MOB1B: variants seen among roughly 807,000 people sequenced by gnomAD.
MOB1B encodes MOB1 Mps One Binder homolog B.
Under a neutral mutation model 24.4 loss-of-function variants are expected in MOB1B, and 19 were observed. The observed-to-expected ratio is 0.78, with a 90% CI of 0.54 to 1.14. MOB1B has a LOEUF of 1.14. Ranked by LOEUF, MOB1B falls within the 50% of genes most tolerant of loss-of-function variation. The probability of loss-of-function intolerance (pLI) is 0.00; values close to 1 mark genes in which losing one functional copy is unlikely to be tolerated. For synonymous variants in MOB1B, 76 were observed against 82.1 expected, an observed-to-expected ratio of 0.93 and a Z score of 0.40; for missense variants, 243 against 259.6, an observed-to-expected ratio of 0.94 and a Z score of 0.44.
At chr4:70,954,821 G>T (rs751805830) in intron 1 of MOB1B, among the ~76,000 whole-genome samples, 5 of 150,572 alleles carry the variant, frequency 3.3e-5, no homozygotes, top group Admixed American at 6.6e-5. Flanking sequence ...TGCGATCTGG[G>T]CATGGTGGCA....
Position 70,958,627 on chromosome 4 carries a change from C to CT in MOB1B, c.15-241dup, listed in dbSNP as rs1578388616. 7.2e-6 allele frequency: 4 copies of CT among 552,504 alleles called. No homozygotes were observed. The East Asian group carries it at 1.3e-4, about 18-fold the overall frequency. 34.2% of individuals were successfully genotyped at this position (552,504 alleles called of 1,614,324 possible). ...CAATAACTAAAACATCATGGAAGTA[C>CT]TTTTTTGTTTTTTCATTAATTTATT... is the stretch of plus-strand genomic sequence containing the variant. On this transcript the variant is annotated intron_variant, in intron 1 of 5. Coordinates refer to ENST00000309395, the MANE Select transcript of MOB1B (RefSeq NM_173468.4).
In MOB1B at chr4:70,982,330, T is replaced by C. The variant is rs1221367350; in HGVS notation, c.*273T>C. On this transcript the variant is annotated 3_prime_UTR_variant, in exon 6 of 6. Coordinates refer to ENST00000309395, the MANE Select transcript of MOB1B (RefSeq NM_173468.4). ...TACTTGAGGAGTTTTTTAATAATAT[T>C]GTGTGCTGCAAGAAAGTGCTTGTTG... 1.2e-5 allele frequency: 3 copies of C among 259,490 alleles called. No individual in the cohort carries two copies. Among genetic ancestry groups the C allele is most frequent in the Non-Finnish European group, 2.2e-5 (3 of 136,870 alleles). 16.1% of individuals were successfully genotyped at this position (259,490 alleles called of 1,614,324 possible). A position where few individuals can be genotyped will look rare whatever the true frequency, so the allele number is the denominator to read the frequency against.
chr4:70,910,221 A>G (rs1255855153), intron 1 of MOB1B, among the ~76,000 whole-genome samples: 1 of 149,200 alleles, frequency 6.7e-6, no homozygotes, highest in African/African-American at 2.5e-5. Flanking sequence ...TTGTGTTTTT[A>G]GTAGAGATGG....
In MOB1B at chr4:70,980,851, G is replaced by C. The variant is rs1353195296; in HGVS notation, c.574-1129G>C. 2.0e-5 allele frequency among the ~76,000 whole-genome samples: 3 copies of C among 152,152 alleles called. No individual in the cohort carries two copies. The South Asian group carries it at 6.2e-4, about 32-fold the overall frequency. On this transcript the variant is annotated intron_variant, in intron 5 of 5. Transcript: ENST00000309395. Reference sequence around the variant, plus strand: ...GAGTTTGCTGATGGCAGCTGTTTCTGAGGGCATGTGGACATTACCCAAAGT... The same window carrying C: ...GAGTTTGCTGATGGCAGCTGTTTCTCAGGGCATGTGGACATTACCCAAAGT...
intron 1 of MOB1B, among the ~76,000 whole-genome samples, chr4:70,955,653 T>C (rs1738015496): frequency 6.6e-6 from 1 of 151,634 alleles, no homozygotes; most frequent in South Asian, 2.1e-4. Flanking sequence ...GTATTTTTAG[T>C]AGAGACAGGG....
chr4:70,985,008 G>A lies in MOB1B; in HGVS notation c.*2951G>A, dbSNP rs141409545. 7.2e-5 allele frequency: 11 copies of A among 151,874 alleles called. No individual in the cohort carries two copies. The East Asian group carries it at 1.9e-3, about 27-fold the overall frequency. The allele number at this position is 151,874 out of a possible 1,614,324, so 9.4% of individuals were successfully genotyped here. A position where few individuals can be genotyped will look rare whatever the true frequency, so the allele number is the denominator to read the frequency against. On this transcript the variant is annotated 3_prime_UTR_variant, in exon 6 of 6. Coordinates refer to ENST00000309395, the MANE Select transcript of MOB1B (RefSeq NM_173468.4). ...AAATGTATTAGGTAGGAGAAGATAC[G>A]TTTTATGTATAATATATCTCAGACT...
intron 2 of MOB1B, among the ~76,000 whole-genome samples, chr4:70,963,726 G>A: frequency 6.6e-6 from 1 of 152,206 alleles, no homozygotes; most frequent in Non-Finnish European, 1.5e-5. Flanking sequence ...AGGCTGAGGT[G>A]GGAAGATCGC....
intron 1 of MOB1B, among the ~76,000 whole-genome samples, chr4:70,932,255 A>G (rs978227108): frequency 3.9e-5 from 6 of 152,268 alleles, no homozygotes; most frequent in Admixed American, 2.6e-4. Flanking sequence ...CATATCATCC[A>G]TCATGTAGAT....
intron 1 of MOB1B, among the ~76,000 whole-genome samples, chr4:70,949,771 C>G (rs1324306186): frequency 6.6e-6 from 1 of 151,808 alleles, no homozygotes; most frequent in African/African-American, 2.4e-5. Context: ...GTGGCGTGAA[C>G]CTGTGGTCCC....
chr4:70,952,873 T>C (rs112622556), intron 1 of MOB1B, among the ~76,000 whole-genome samples: 1,944 of 151,622 alleles, frequency 0.013, 37 homozygotes, highest in African/African-American at 0.045. Flanking sequence ...TGAGGACTTC[T>C]GTGTACATGC....
intron 4 of MOB1B, among the ~76,000 whole-genome samples, chr4:70,978,543 A>G (rs1027530473): frequency 2.6e-5 from 4 of 152,280 alleles, no homozygotes; most frequent in African/African-American, 7.2e-5. Flanking sequence ...GTTCCCACCA[A>G]CAGTATATAA....
At chr4:70,916,393 G>A (rs906966266) in intron 1 of MOB1B, among the ~76,000 whole-genome samples, 1 of 152,210 alleles carries the variant, frequency 6.6e-6, no homozygotes, top group South Asian at 2.1e-4. Context: ...TAAAACCTTT[G>A]AGAGAATACA....
At chr4:70,911,075 C>T (rs7685605) in intron 1 of MOB1B, among the ~76,000 whole-genome samples, 100,974 of 152,100 alleles carry the variant, frequency 0.66, 35,154 homozygotes, top group Admixed American at 0.77. Flanking sequence ...CGTGAGCCAC[C>T]GCGCCCTGCT....
At chr4:70,919,579 A>C (rs968242659) in intron 1 of MOB1B, among the ~76,000 whole-genome samples, 8 of 152,032 alleles carry the variant, frequency 5.3e-5, no homozygotes, top group Non-Finnish European at 1.0e-4. Flanking sequence ...GCTCACTGCA[A>C]CCTCTGCCTC....
intron 1 of MOB1B, among the ~76,000 whole-genome samples, chr4:70,930,010 C>T (rs1736826340): frequency 6.6e-6 from 1 of 152,108 alleles, no homozygotes; most frequent in Non-Finnish European, 1.5e-5. Context: ...CCGTCTCAGC[C>T]TCCCAAAGTG....
rs148629035 is a variant in MOB1B, at chr4:70,968,095, A to G, written c.182-1836A>G. On this transcript the variant is annotated intron_variant, in intron 2 of 5. Transcript: ENST00000309395. ...CTCTGGGGCTCAAGTGATCCTCCCC[A>G]GGCCTTGGTATCCCCAAGTGCTGGG... Among the ~76,000 whole-genome samples the G allele has an allele frequency of 3.2e-3, 492 of 152,276 alleles. 1 individual carries two copies. Among genetic ancestry groups the G allele is most frequent in the African/African-American group, 0.011 (475 of 41,556 alleles).
chr4:70,975,528 T>G (rs1738946276), intron 4 of MOB1B: 1 of 1,162,710 alleles, frequency 8.6e-7, no homozygotes, highest in Non-Finnish European at 1.1e-6. Context: ...AATGCTTAAT[T>G]AGCTGAAAGT....
chr4:70,915,107 C>T (rs1736148825), intron 1 of MOB1B, among the ~76,000 whole-genome samples: 1 of 152,188 alleles, frequency 6.6e-6, no homozygotes, highest in South Asian at 2.1e-4. Flanking sequence ...TGATTGCTAG[C>T]AGCTGTTATT....
intron 4 of MOB1B, chr4:70,976,242 C>G (rs907097170): frequency 1.0e-6 from 1 of 984,254 alleles, no homozygotes; most frequent in African/African-American, 1.7e-5. Flanking sequence ...GCCCAAAAAA[C>G]AGAATGGATA....
Sources: allele counts gnomAD v4.1 joint callset (sites outside exome capture counted in the v4.1 genomes callset), GRCh38; gene constraint gnomAD v4.1.1; transcripts MANE v1.5; gene names NCBI Gene and HGNC (gene_info 2026-07-23, HGNC 2026-07-21).